The following ARHGAP32 variants were observed in gnomAD, a reference collection of about 807,000 sequenced individuals.
ARHGAP32 encodes the protein rho GTPase-activating protein 32.
ARHGAP32 carries 51 observed loss-of-function variants against 186.5 expected under a neutral mutation model. That is an observed-to-expected ratio of 0.27 (90% CI 0.22 to 0.35). ARHGAP32 has a LOEUF of 0.35. ARHGAP32 is among the 10% of genes least tolerant of loss of function. The pLI is 1.00. For synonymous variants in ARHGAP32, 950 were observed against 964.3 expected (o/e 0.99, Z 0.27); for missense variants, 2,186 against 2,623.5 (o/e 0.83, Z 3.64).
intron 1 of ARHGAP32, among the ~76,000 whole-genome samples, chr11:129,234,605 T>C (rs1177755661): frequency 2.0e-5 from 3 of 152,128 alleles, no homozygotes; most frequent in African/African-American, 7.2e-5. Context: ...TATACTGTTT[T>C]CTAGGTTATT....
At chr11:129,038,095 T>C (rs1245513219) in intron 11 of ARHGAP32, among the ~76,000 whole-genome samples, 1 of 151,760 alleles carries the variant, frequency 6.6e-6, no homozygotes, top group Non-Finnish European at 1.5e-5. Context: ...AGCAAGACTC[T>C]GCCTCAAAAA....
At chr11:129,036,039 T>C (rs1208813570) in intron 11 of ARHGAP32, among the ~76,000 whole-genome samples, 1 of 152,036 alleles carries the variant, frequency 6.6e-6, no homozygotes, top group Non-Finnish European at 1.5e-5. Flanking sequence ...CAATGCTAAA[T>C]GGTTCTGGAG....
chr11:128,978,140 A>C (rs1488267259), intron 19 of ARHGAP32, among the ~76,000 whole-genome samples: 1 of 152,178 alleles, frequency 6.6e-6, no homozygotes, highest in East Asian at 1.9e-4. Context: ...GCCTGCTATC[A>C]AAATAGCTAG....
At chr11:129,228,032 G>T (rs545012863) in intron 1 of ARHGAP32, among the ~76,000 whole-genome samples, 1 of 151,994 alleles carries the variant, frequency 6.6e-6, no homozygotes, top group Admixed American at 6.6e-5. Flanking sequence ...CACAAACTAC[G>T]CTCTCTAAAA....
intron 19 of ARHGAP32, among the ~76,000 whole-genome samples, chr11:128,977,140 G>A (rs1404730834): frequency 6.6e-6 from 1 of 152,180 alleles, no homozygotes; most frequent in Admixed American, 6.5e-5. Context: ...TGGAGCCTCT[G>A]GAGCAAGCAC....
At chr11:129,116,110 G>T (rs1942361142) in intron 5 of ARHGAP32, among the ~76,000 whole-genome samples, 5 of 152,016 alleles carry the variant, frequency 3.3e-5, no homozygotes, top group African/African-American at 9.7e-5. Flanking sequence ...TTCTGCTGGG[G>T]GAAAGGGAGG....
chr11:129,068,056 T>C (rs1227808752), intron 6 of ARHGAP32, among the ~76,000 whole-genome samples: 1 of 152,112 alleles, frequency 6.6e-6, no homozygotes, highest in Non-Finnish European at 1.5e-5. Flanking sequence ...AAGAACAGTG[T>C]CCTGGTCCCT....
intron 1 of ARHGAP32, among the ~76,000 whole-genome samples, chr11:129,266,031 TAAAAGG>T (rs1945395569): frequency 6.6e-6 from 1 of 151,546 alleles, no homozygotes; most frequent in Non-Finnish European, 1.5e-5. Flanking sequence ...AAAATAACAA[TAAAAGG>T]AAAACAATGT....
At chr11:129,188,495 TACC>T (rs1944207705) in intron 1 of ARHGAP32, among the ~76,000 whole-genome samples, 1 of 152,110 alleles carries the variant, frequency 6.6e-6, no homozygotes, top group African/African-American at 2.4e-5. Flanking sequence ...AGATGTACAA[TACC>T]ACAGTCAAGA....
chr11:129,038,859 C>T (rs1169758761), intron 11 of ARHGAP32, among the ~76,000 whole-genome samples: 1 of 140,318 alleles, frequency 7.1e-6, no homozygotes, highest in Non-Finnish European at 1.5e-5. Flanking sequence ...TGCACTGCAG[C>T]CTGTGGTGAC....
At chr11:129,177,671 A>G (rs1943950595) in intron 1 of ARHGAP32, among the ~76,000 whole-genome samples, 1 of 152,182 alleles carries the variant, frequency 6.6e-6, no homozygotes, top group Non-Finnish European at 1.5e-5. Context: ...ATATAAACAG[A>G]ACCAAAGACA....
intron 1 of ARHGAP32, among the ~76,000 whole-genome samples, chr11:129,268,277 C>T (rs1198769062): frequency 6.6e-6 from 1 of 151,964 alleles, no homozygotes; most frequent in African/African-American, 2.4e-5. Context: ...AGCTAAAGAG[C>T]TATCATGTGA....
chr11:129,124,704 T>C, intron 3 of ARHGAP32, 99 bp downstream of exon 3: 1 of 893,974 alleles, frequency 1.1e-6, no homozygotes, highest in East Asian at 2.6e-5. Context: ...AGTAACAGCA[T>C]ATTTTTGTAA....
Position 128,970,921 on chromosome 11 carries a change from C to A in ARHGAP32, c.4292G>T (p.Arg1431Met). ...AGCAATCATCTTACTCTCCATCATC[C>A]TGGTGGGGGGCAGTGGTGCAGGAAA... ...CGFPAPLPPTRMMESKMIAAI... is the reference protein window; with the variant it reads ...CGFPAPLPPTMMMESKMIAAI... Residue 1431 changes from arginine (R) to methionine (M), a missense_variant, in exon 23 of 23, where the codon AGG becomes ATG. Arg to Met is a moderately conservative substitution (Grantham distance 91). Coordinates refer to ENST00000682385, the MANE Select transcript of ARHGAP32 (RefSeq NM_001378024.1). The surrounding 1 kb of genome is among the most constrained non-coding windows in gnomAD (Gnocchi z 5.8). 6.2e-7 allele frequency: 1 copy of A among 1,614,092 alleles called. No individual in the cohort carries two copies. Among genetic ancestry groups the A allele is most frequent in the South Asian group, 1.1e-5 (1 of 91,078 alleles).
At chr11:129,093,435 T>C (rs1941637546) in intron 6 of ARHGAP32, among the ~76,000 whole-genome samples, 186 bp downstream of exon 6, 1 of 152,148 alleles carries the variant, frequency 6.6e-6, no homozygotes, top group South Asian at 2.1e-4. Context: ...CACTTATTTC[T>C]GTTTTAAAAT....
intron 2 of ARHGAP32, among the ~76,000 whole-genome samples, chr11:129,150,364 T>C (rs751802553): frequency 2.0e-5 from 3 of 152,138 alleles, no homozygotes; most frequent in African/African-American, 4.8e-5. Flanking sequence ...CACACAGTCA[T>C]CAGGTTATCT....
At chr11:129,053,338 G>A (rs543787964) in intron 10 of ARHGAP32, among the ~76,000 whole-genome samples, 17 of 152,096 alleles carry the variant, frequency 1.1e-4, no homozygotes, top group African/African-American at 3.6e-4. Flanking sequence ...AAGTCATCAC[G>A]CTTGTATTCT....
chr11:129,060,384 A>G lies in ARHGAP32; in HGVS notation c.963+1896T>C, dbSNP rs140838055. Among the ~76,000 whole-genome samples, 508 of 134,350 alleles carry G rather than the reference A, an allele frequency of 3.8e-3. 5 individuals carry two copies. Among genetic ancestry groups the G allele is most frequent in the African/African-American group, 0.013 (452 of 35,276 alleles). The allele number at this position is 134,350 out of a possible 152,430, so 88.1% of individuals were successfully genotyped here. On this transcript the variant is annotated intron_variant, in intron 10 of 22. Coordinates refer to ENST00000682385, the MANE Select transcript of ARHGAP32 (RefSeq NM_001378024.1). ...AGATAGATAGATAGATAGATAGATA[A>G]GATAGACAGACAGACAGACAGACAG...
chr11:129,221,283 C>A (rs1200205235), intron 1 of ARHGAP32, among the ~76,000 whole-genome samples: 1 of 152,036 alleles, frequency 6.6e-6, no homozygotes, highest in Non-Finnish European at 1.5e-5. Context: ...ACCACCATAT[C>A]CATTTTAATT....
Sources: allele counts gnomAD v4.1 joint callset (sites outside exome capture counted in the v4.1 genomes callset), GRCh38; gene constraint gnomAD v4.1.1; non-coding constraint Gnocchi (gnomAD v3.1); transcripts MANE v1.5; gene names NCBI Gene and HGNC (gene_info 2026-07-23, HGNC 2026-07-21).